RBFOX1: variants seen among roughly 807,000 people sequenced by gnomAD.
The protein encoded by RBFOX1 is RNA binding fox-1 homolog 1, also known as RNA binding protein fox-1 homolog 1.
A neutral mutation model predicts 57.7 loss-of-function variants in RBFOX1; 8 were observed. The observed-to-expected ratio is 0.14, with a 90% CI of 0.08 to 0.25. The LOEUF is 0.25. Among genes scored for constraint, RBFOX1 ranks in the 10% least tolerant of loss-of-function variants. The pLI, the probability that RBFOX1 is intolerant of heterozygous loss-of-function variation, is 1.00. For synonymous variants in RBFOX1, 326 were observed against 222.4 expected (o/e 1.47, Z -4.15); for missense variants, 611 against 548.5 (o/e 1.11, Z -1.14).
chr16:6,064,772 C>T (rs1264435243), intron 1 of RBFOX1, among the ~76,000 whole-genome samples: 2 of 152,024 alleles, frequency 1.3e-5, no homozygotes, highest in African/African-American at 4.8e-5. Context: ...ACACAATTTT[C>T]AGAAGGTCTT....
At chr16:6,142,482 A>G (rs1380571313) in intron 1 of RBFOX1, among the ~76,000 whole-genome samples, 1 of 151,974 alleles carries the variant, frequency 6.6e-6, no homozygotes, top group Non-Finnish European at 1.5e-5. Context: ...CGGCCTCCCA[A>G]AGCGCTGGGA....
intron 1 of RBFOX1, among the ~76,000 whole-genome samples, chr16:6,161,020 G>T (rs542105041): frequency 6.6e-6 from 1 of 152,166 alleles, no homozygotes; most frequent in Non-Finnish European, 1.5e-5. Context: ...GAGCACAGTG[G>T]TGTTTCCCAG....
In RBFOX1 at chr16:7,302,948, T is replaced by G. The variant is rs143315300; in HGVS notation, c.28-215199T>G. On this transcript the variant is annotated intron_variant, in intron 4 of 15. Transcript: ENST00000550418. ...CCAAGGAGGGCTGGACAGGCAAGAA[T>G]AAAAAAAATAAATAAATAAACCATT... Among the ~76,000 whole-genome samples the G allele has an allele frequency of 2.9e-3, 439 of 151,806 alleles. 5 individuals are homozygous for G. Among genetic ancestry groups the G allele is most frequent in the African/African-American group, 9.9e-3 (411 of 41,436 alleles).
At chr16:7,537,003 A>T (rs144725807) in intron 5 of RBFOX1, among the ~76,000 whole-genome samples, 1 of 152,184 alleles carries the variant, frequency 6.6e-6, no homozygotes, top group Non-Finnish European at 1.5e-5. Flanking sequence ...GGTGAGCAAG[A>T]AACACTCATA....
At chr16:6,038,513 C>CATATATATATCCGTGGAGATATATATAT (rs1484040240) in intron 1 of RBFOX1, 1 of 133,062 alleles carries the variant, frequency 7.5e-6, no homozygotes, top group Non-Finnish European at 1.6e-5. Flanking sequence ...CCTCAATATC[C>CATATATATATCCGTGGAGATATATATAT]ATATATATAT....
intron 1 of RBFOX1, among the ~76,000 whole-genome samples, chr16:5,276,420 A>G (rs2063141504): frequency 6.6e-6 from 1 of 152,228 alleles, no homozygotes. Context: ...AAACATATGA[A>G]AAAATGCTCA....
intron 3 of RBFOX1, among the ~76,000 whole-genome samples, chr16:5,782,546 C>T (rs1027886405): frequency 2.0e-5 from 3 of 152,108 alleles, no homozygotes; most frequent in Non-Finnish European, 4.4e-5. Context: ...TAGATCATAG[C>T]AGAGATAGAA....
intron 3 of RBFOX1, among the ~76,000 whole-genome samples, chr16:6,689,100 A>T (rs1483458227): frequency 6.6e-6 from 1 of 152,174 alleles, no homozygotes; most frequent in African/African-American, 2.4e-5. Context: ...ATAAACATAC[A>T]TGTGCATATG....
At chr16:6,800,260 C>T (rs182759835) in intron 3 of RBFOX1, among the ~76,000 whole-genome samples, 417 of 148,804 alleles carry the variant, frequency 2.8e-3, no homozygotes, top group African/African-American at 0.01. Context: ...TTTTAGCACT[C>T]AGCATTGAAA....
At chr16:6,182,665 A>C (rs943313506) in intron 1 of RBFOX1, among the ~76,000 whole-genome samples, 3 of 152,154 alleles carry the variant, frequency 2.0e-5, no homozygotes. Flanking sequence ...AATATGTTTT[A>C]AAATATATTT....
chr16:7,380,734 C>G (rs2097770584), intron 4 of RBFOX1, among the ~76,000 whole-genome samples: 1 of 152,178 alleles, frequency 6.6e-6, no homozygotes, highest in Admixed American at 6.5e-5. Context: ...TATTCCATGG[C>G]TATAGCCACA....
At chr16:5,861,837 G>A (rs1028887469) in intron 3 of RBFOX1, among the ~76,000 whole-genome samples, 1 of 152,188 alleles carries the variant, frequency 6.6e-6, no homozygotes, top group Non-Finnish European at 1.5e-5. Flanking sequence ...CAGAACAGAT[G>A]AAACCAGAAA....
At chr16:6,803,223 T>C (rs1603626725) in intron 3 of RBFOX1, among the ~76,000 whole-genome samples, 2 of 152,274 alleles carry the variant, frequency 1.3e-5, no homozygotes, top group East Asian at 1.9e-4. Context: ...TTGACCCTCA[T>C]TGCCTATGAC....
At chr16:5,281,717 G>T (rs1206390345) in intron 1 of RBFOX1, among the ~76,000 whole-genome samples, 3 of 152,096 alleles carry the variant, frequency 2.0e-5, no homozygotes, top group Non-Finnish European at 2.9e-5. Flanking sequence ...GACTTAGTCT[G>T]TTTTATCTGA....
intron 3 of RBFOX1, among the ~76,000 whole-genome samples, chr16:5,829,867 C>T (rs1453736625): frequency 1.3e-5 from 2 of 152,114 alleles, no homozygotes; most frequent in African/African-American, 2.4e-5. Context: ...GAAACAAAAA[C>T]AGGGGGGAAG....
intron 4 of RBFOX1, among the ~76,000 whole-genome samples, chr16:7,227,766 C>T (rs1308611327): frequency 3.9e-5 from 6 of 152,206 alleles, no homozygotes; most frequent in African/African-American, 1.4e-4. Flanking sequence ...TGGAATCTCT[C>T]CCTTCCTGTG....
chr16:6,551,187 G>A (rs1156231183), intron 2 of RBFOX1, among the ~76,000 whole-genome samples: 1 of 152,152 alleles, frequency 6.6e-6, no homozygotes. Context: ...GCCCAACTCA[G>A]GATAAGCAGC....
intron 3 of RBFOX1, among the ~76,000 whole-genome samples, chr16:6,702,293 C>A (rs1270309350): frequency 6.6e-6 from 1 of 152,130 alleles, no homozygotes; most frequent in Non-Finnish European, 1.5e-5. Context: ...GTGGCTCATG[C>A]CTGTAAACCC....
intron 3 of RBFOX1, among the ~76,000 whole-genome samples, chr16:6,752,298 T>C (rs1268555761): frequency 6.6e-6 from 1 of 152,164 alleles, no homozygotes; most frequent in Admixed American, 6.5e-5. Context: ...TTGGATGTAC[T>C]CCAGACCTCC....
Sources: gnomAD v4.1 joint callset for allele counts (sites outside exome capture counted in the v4.1 genomes callset) on GRCh38, gnomAD v4.1.1 for gene constraint, MANE v1.5 for transcripts, NCBI Gene and HGNC (gene_info 2026-07-23, HGNC 2026-07-21) for gene names.